Variants in LRBA observed in about 807,000 individuals in gnomAD.
LRBA encodes lipopolysaccharide-responsive and beige-like anchor protein.
LRBA carries 176 observed loss-of-function variants against 330.0 expected under a neutral mutation model. The ratio of observed to expected loss-of-function variants is 0.53; its 90% CI spans 0.47 to 0.60. The LOEUF is 0.60. LRBA is among the 20% of genes least tolerant of loss of function. The pLI is 0.00. For synonymous variants in LRBA, 1,230 were observed against 1,193.0 expected, an observed-to-expected ratio of 1.03 and a Z score of -0.64; for missense variants, 3,259 against 3,444.8, an observed-to-expected ratio of 0.95 and a Z score of 1.35.
intron 47 of LRBA, among the ~76,000 whole-genome samples, chr4:150,350,818 G>T (rs907572302): frequency 1.2e-4 from 18 of 152,088 alleles, no homozygotes; most frequent in African/African-American, 4.3e-4. Context: ...ACAAGGCAAA[G>T]ACTATTTTGG....
Position 150,564,356 on chromosome 4 carries a change from C to G in LRBA, c.6330+23692G>C, listed in dbSNP as rs145830613. 2.7e-3 allele frequency among the ~76,000 whole-genome samples: 412 copies of G among 152,300 alleles called. 3 individuals are homozygous for G. Among genetic ancestry groups the G allele is most frequent in the African/African-American group, 9.7e-3 (402 of 41,556 alleles). On this transcript the variant is annotated intron_variant, in intron 40 of 56. Transcript: ENST00000651943. ...CATAAGTAGAAAGCTGAAACTGGATCCCTTCCTTATCCCTCATACAAAAAT... is the reference window on the plus strand; with the variant it reads ...CATAAGTAGAAAGCTGAAACTGGATGCCTTCCTTATCCCTCATACAAAAAT...
rs578071987 is a variant in LRBA at position 150,437,983 on chromosome 4, G to A, written c.6781-1119C>T. Among the ~76,000 whole-genome samples the A allele has an allele frequency of 1.1e-3, 170 of 152,318 alleles. 1 individual carries two copies. The highest frequency in any genetic ancestry group is 4.6e-3 in the Admixed American group (71 of 15,304). ...CAAAATTCTGTGTGATCAAGCCTAT[G>A]CATGTACATATCCTTACAAAGACGT... On this transcript the variant is annotated intron_variant, in intron 44 of 56. Transcript: ENST00000651943.
intron 28 of LRBA, among the ~76,000 whole-genome samples, chr4:150,837,652 T>A (rs1322662536): frequency 6.6e-6 from 1 of 152,216 alleles, no homozygotes; most frequent in African/African-American, 2.4e-5. Flanking sequence ...TGGTAGATCT[T>A]CCTCCATCTC....
rs1277180228 is a variant in LRBA at position 150,415,539 on chromosome 4, T to C, written c.7093A>G (p.Asn2365Asp). The C allele has an allele frequency of 1.2e-6, 2 of 1,602,674 alleles. No homozygotes were observed. The highest frequency in any genetic ancestry group is 1.7e-6 in the Non-Finnish European group (2 of 1,169,882). Residue 2365 changes from asparagine to aspartate, a missense_variant, in exon 47 of 57, where the codon AAT becomes GAT. Asn to Asp is a conservative substitution (Grantham distance 23, BLOSUM62 1). Coordinates refer to ENST00000651943, the MANE Select transcript of LRBA (RefSeq NM_001364905.1). Reference sequence around the variant, plus strand: ...TCATCCATCACTCCAAGATTATAATTATTGAAGTTGACAAACATCTCAGGG... The same window carrying C: ...TCATCCATCACTCCAAGATTATAATCATTGAAGTTGACAAACATCTCAGGG... Reference protein sequence around the residue: ...YLPEMFVNFNNYNLGVMDDGT... With the variant: ...YLPEMFVNFNDYNLGVMDDGT...
chr4:150,560,823 C>A (rs985510721), intron 40 of LRBA, among the ~76,000 whole-genome samples: 3 of 152,036 alleles, frequency 2.0e-5, no homozygotes, highest in African/African-American at 7.2e-5. Context: ...CCCGTCTCTA[C>A]TAAAAATACA....
intron 37 of LRBA, among the ~76,000 whole-genome samples, chr4:150,681,164 T>C (rs1783024571): frequency 6.6e-6 from 1 of 152,234 alleles, no homozygotes; most frequent in South Asian, 2.1e-4. Flanking sequence ...CATAGTTAAA[T>C]GCATTACAGC....
In LRBA at chr4:150,739,423, C is replaced by A. The variant is rs571227056; in HGVS notation, c.5646-4057G>T. Among the ~76,000 whole-genome samples the A allele has an allele frequency of 1.4e-4, 22 of 152,224 alleles. No homozygotes were observed. The Middle Eastern group carries it at 0.01, about 71-fold the overall frequency. On this transcript the variant is annotated intron_variant, in intron 35 of 56. Transcript: ENST00000651943. ...GAATTTCAAATGATGGAATCATACT[C>A]AGTATGTTCTTTGATACATTTCAAT...
intron 42 of LRBA, among the ~76,000 whole-genome samples, chr4:150,484,912 T>C (rs1293817973): frequency 6.6e-6 from 1 of 151,972 alleles, no homozygotes; most frequent in African/African-American, 2.4e-5. Flanking sequence ...CCATGTTTTA[T>C]GTAGAAGCGC....
intron 40 of LRBA, among the ~76,000 whole-genome samples, chr4:150,513,305 A>G (rs1561287548): frequency 6.6e-6 from 1 of 152,330 alleles, no homozygotes; most frequent in East Asian, 1.9e-4. Context: ...AAGAGACAGT[A>G]TCTCAGTTTA....
intron 36 of LRBA, among the ~76,000 whole-genome samples, chr4:150,703,592 G>T (rs187565525): frequency 1.3e-5 from 2 of 152,136 alleles, no homozygotes; most frequent in Non-Finnish European, 2.9e-5. Context: ...ATGGTTAAAA[G>T]TAATTCTCAC....
intron 37 of LRBA, among the ~76,000 whole-genome samples, chr4:150,623,445 T>C (rs1196988453): frequency 6.6e-6 from 1 of 152,146 alleles, no homozygotes; most frequent in African/African-American, 2.4e-5. Flanking sequence ...TTAAATAGTA[T>C]ATGCCTGTTA....
chr4:150,631,781 G>A (rs1040502092), intron 37 of LRBA, among the ~76,000 whole-genome samples: 6 of 152,192 alleles, frequency 3.9e-5, no homozygotes, highest in African/African-American at 1.4e-4. Context: ...GGAAGGAGGA[G>A]AGACTTGCAA....
chr4:150,407,443 AAAACAAAAAC>A (rs1404874225), intron 47 of LRBA, among the ~76,000 whole-genome samples: 2 of 152,210 alleles, frequency 1.3e-5, no homozygotes, highest in Non-Finnish European at 2.9e-5. Context: ...TCCCACTAGC[AAAACAAAAAC>A]AAACAAAAAC....
chr4:150,760,770 G>A (rs977068966), intron 35 of LRBA, among the ~76,000 whole-genome samples: 4 of 151,998 alleles, frequency 2.6e-5, no homozygotes, highest in Non-Finnish European at 4.4e-5. Context: ...TAAGCACCCT[G>A]TACTTACATA....
chr4:150,562,755 G>C (rs970433649), intron 40 of LRBA, among the ~76,000 whole-genome samples: 2 of 151,930 alleles, frequency 1.3e-5, no homozygotes, highest in South Asian at 2.1e-4. Flanking sequence ...ACAAAATTAT[G>C]TCTTACTCAT....
chr4:150,572,844 C>CA (rs1428480502), intron 40 of LRBA, among the ~76,000 whole-genome samples: 1 of 152,084 alleles, frequency 6.6e-6, no homozygotes, highest in Non-Finnish European at 1.5e-5. Context: ...CTGCCTCTGT[C>CA]ACCCATTACC....
At chr4:150,489,057 G>T (rs1467704166) in intron 41 of LRBA, among the ~76,000 whole-genome samples, 14 of 67,376 alleles carry the variant, frequency 2.1e-4, no homozygotes, top group South Asian at 1.8e-3. Flanking sequence ...TTATATATAA[G>T]AATATATAAT....
chr4:150,777,254 G>A (rs559406333), intron 34 of LRBA, among the ~76,000 whole-genome samples: 5 of 151,940 alleles, frequency 3.3e-5, no homozygotes, highest in East Asian at 3.9e-4. Flanking sequence ...CCACTGCACC[G>A]GATCTAAATT....
At chr4:150,613,565 GATCATGAAGA>G (rs530473347) in intron 37 of LRBA, among the ~76,000 whole-genome samples, 109 of 152,340 alleles carry the variant, frequency 7.2e-4, no homozygotes, top group Non-Finnish European at 1.3e-3. Context: ...GCAGGGGCCA[GATCATGAAGA>G]ATCATTTTAG....
Sources: gnomAD v4.1 joint callset for allele counts (sites outside exome capture counted in the v4.1 genomes callset) on GRCh38, gnomAD v4.1.1 for gene constraint, MANE v1.5 for transcripts, NCBI Gene and HGNC (gene_info 2026-07-23, HGNC 2026-07-21) for gene names.